The following ABCB1 variants were observed in gnomAD, a reference collection of about 807,000 sequenced individuals.
ABCB1 encodes the protein ATP binding cassette subfamily B member 1, also known as ATP-dependent translocase ABCB1.
A neutral mutation model predicts 142.0 loss-of-function variants in ABCB1; 69 were observed. That is an observed-to-expected ratio of 0.49 (90% CI 0.40 to 0.59). ABCB1 has a LOEUF of 0.59. Among genes scored for constraint, ABCB1 ranks in the 20% least tolerant of loss-of-function variants. The probability of loss-of-function intolerance (pLI) is 0.00; values close to 1 mark genes in which losing one functional copy is unlikely to be tolerated. For synonymous variants in ABCB1, 532 were observed against 539.2 expected (o/e 0.99, Z 0.18); for missense variants, 1,326 against 1,554.7 (o/e 0.85, Z 2.47).
chr7:87,683,872 A>G (rs1042467250), intron 1 of ABCB1, among the ~76,000 whole-genome samples: 3 of 152,234 alleles, frequency 2.0e-5, no homozygotes, highest in African/African-American at 7.2e-5. Flanking sequence ...AAGCACAATA[A>G]AGTGAAATAC....
intron 21 of ABCB1, among the ~76,000 whole-genome samples, chr7:87,524,544 T>A (rs1356740867): frequency 1.5e-5 from 2 of 132,366 alleles, no homozygotes; most frequent in African/African-American, 5.2e-5. Flanking sequence ...TGAGAACACA[T>A]GGACACAGGA....
Position 87,544,170 on chromosome 7 carries a change from G to A in ABCB1, c.2170C>T (p.Leu724=), listed in dbSNP as rs1405414936. 3.1e-6 allele frequency: 5 copies of A among 1,613,768 alleles called. No individual in the cohort carries two copies. The highest frequency in any genetic ancestry group is 2.2e-5 in the East Asian group (1 of 44,844). Residue 724 remains leucine, a synonymous_variant, in exon 17 of 28, where the codon CTG becomes TTG. Coordinates refer to ENST00000622132, the MANE Select transcript of ABCB1 (RefSeq NM_001348946.2). ...AATATTATTGCAAATGCTGGTTGCAGGCCTCCATTTATAATGGCACAAAAT... is the reference window on the plus strand; with the variant it reads ...AATATTATTGCAAATGCTGGTTGCAAGCCTCCATTTATAATGGCACAAAAT... ...GVFCAIINGG[L]QPAFAIIFSK...
At chr7:87,680,817 A>C (rs1826858733) in intron 1 of ABCB1, among the ~76,000 whole-genome samples, 1 of 150,362 alleles carries the variant, frequency 6.7e-6, no homozygotes, top group South Asian at 2.1e-4. Flanking sequence ...GAAAAGAAAA[A>C]AGAAAAAGAA....
In ABCB1 at chr7:87,561,714, G is replaced by A. The variant is rs1206250438; in HGVS notation, c.703-327C>T. ...AGATTACACATGACAGGCCAGGTGT[G>A]GTGGCTCACACTTGTAATCCTAACA... On this transcript the variant is annotated intron_variant, in intron 7 of 27. Transcript: ENST00000622132. Among the ~76,000 whole-genome samples the A allele has an allele frequency of 2.6e-5, 4 of 152,294 alleles. No individual in the cohort carries two copies. In the South Asian group the frequency reaches 8.3e-4, roughly 32 times the overall value.
At chr7:87,519,020 A>G (rs1003298002) in intron 23 of ABCB1, 5 of 408,792 alleles carry the variant, frequency 1.2e-5, no homozygotes, top group Non-Finnish European at 2.2e-5. Context: ...CTCCTTGCTC[A>G]GGGCTAGGCT....
intron 1 of ABCB1, among the ~76,000 whole-genome samples, chr7:87,616,806 T>C (rs1820045667): frequency 6.6e-6 from 1 of 152,192 alleles, no homozygotes; most frequent in Non-Finnish European, 1.5e-5. Context: ...TATATGCTCT[T>C]CCCTTGTGAT....
chr7:87,675,330 A>G (rs979152903), intron 1 of ABCB1, among the ~76,000 whole-genome samples: 5 of 152,186 alleles, frequency 3.3e-5, no homozygotes, highest in African/African-American at 9.7e-5. Flanking sequence ...TTTTAATGAC[A>G]TTTTTCATAG....
chr7:87,658,686 A>G (rs1824378813), intron 1 of ABCB1, among the ~76,000 whole-genome samples: 1 of 152,214 alleles, frequency 6.6e-6, no homozygotes, highest in African/African-American at 2.4e-5. Flanking sequence ...TAGATTTCTG[A>G]TCAGAAACCA....
chr7:87,583,690 T>G (rs28381833), intron 4 of ABCB1, among the ~76,000 whole-genome samples: 3 of 152,308 alleles, frequency 2.0e-5, no homozygotes, highest in East Asian at 1.9e-4. Flanking sequence ...TGGGAGCTCA[T>G]GCATGCTATT....
At chr7:87,657,073 C>T (rs542692731) in intron 1 of ABCB1, among the ~76,000 whole-genome samples, 2 of 152,216 alleles carry the variant, frequency 1.3e-5, no homozygotes, top group South Asian at 4.1e-4. Context: ...CTATTTCTCT[C>T]ACTAAGTACA....
At chr7:87,701,696 A>T (rs915786555) in intron 1 of ABCB1, among the ~76,000 whole-genome samples, 2 of 152,216 alleles carry the variant, frequency 1.3e-5, no homozygotes, top group African/African-American at 4.8e-5. Context: ...ATCTGAAAAG[A>T]CTATTAAAAG....
At chr7:87,600,287 T>A (rs1481395096) in intron 1 of ABCB1, 97 bp from the exon 2 acceptor site, 4 of 1,009,204 alleles carry the variant, frequency 4.0e-6, no homozygotes, top group South Asian at 1.4e-5. Flanking sequence ...CAGAGAGCAG[T>A]AAGAGGGAGC....
intron 1 of ABCB1, among the ~76,000 whole-genome samples, chr7:87,676,433 G>C (rs938515358): frequency 2.0e-5 from 3 of 152,036 alleles, no homozygotes; most frequent in Non-Finnish European, 4.4e-5. Context: ...AGGCGCAGTG[G>C]CTCACACCTA....
chr7:87,584,962 C>A (rs1228374266), intron 4 of ABCB1, among the ~76,000 whole-genome samples: 3 of 150,146 alleles, frequency 2.0e-5, no homozygotes, highest in South Asian at 2.1e-4. Flanking sequence ...CCCCCCCACA[C>A]ACACACACAC....
intron 3 of ABCB1, among the ~76,000 whole-genome samples, chr7:87,587,800 G>A (rs1015672521): frequency 1.3e-5 from 2 of 151,126 alleles, no homozygotes; most frequent in African/African-American, 4.9e-5. Flanking sequence ...GTGTGAACCT[G>A]GGAGGCGGAG....
At chr7:87,610,529 G>C (rs1423514048) in intron 1 of ABCB1, among the ~76,000 whole-genome samples, 1 of 150,624 alleles carries the variant, frequency 6.6e-6, no homozygotes, top group African/African-American at 2.4e-5. Context: ...GATTACAGGA[G>C]TCAGCCACTG....
chr7:87,648,507 A>G (rs2130356464), intron 1 of ABCB1, among the ~76,000 whole-genome samples: 1 of 151,082 alleles, frequency 6.6e-6, no homozygotes, highest in South Asian at 2.1e-4. Flanking sequence ...AGCTAGTTCA[A>G]GAAATATGGC....
At chr7:87,701,193 T>C (rs1438713227) in intron 1 of ABCB1, among the ~76,000 whole-genome samples, 1 of 152,214 alleles carries the variant, frequency 6.6e-6, no homozygotes, top group Non-Finnish European at 1.5e-5. Context: ...TTTAATGTAA[T>C]ATGATTTTAC....
chr7:87,625,619 A>G, intron 1 of ABCB1, among the ~76,000 whole-genome samples: 1 of 152,180 alleles, frequency 6.6e-6, no homozygotes, highest in East Asian at 1.9e-4. Context: ...TGCCAGCGCA[A>G]ATATTTTGCT....
Sources: allele counts gnomAD v4.1 joint callset (sites outside exome capture counted in the v4.1 genomes callset), GRCh38; gene constraint gnomAD v4.1.1; transcripts MANE v1.5; gene names NCBI Gene and HGNC (gene_info 2026-07-23, HGNC 2026-07-21).